The following MSI2 variants were observed in gnomAD, a reference collection of about 807,000 sequenced individuals.
The protein encoded by MSI2 is RNA-binding protein Musashi homolog 2.
MSI2 carries 17 observed loss-of-function variants against 45.6 expected under a neutral mutation model. That is an observed-to-expected ratio of 0.37 (90% CI 0.26 to 0.56). The LOEUF is 0.56. Ranked by LOEUF, MSI2 falls within the 20% of genes least tolerant of loss-of-function variation. The probability of loss-of-function intolerance (pLI) is 0.77; values close to 1 mark genes in which losing one functional copy is unlikely to be tolerated. For synonymous variants in MSI2, 156 were observed against 158.2 expected (o/e 0.99, Z 0.11); for missense variants, 293 against 444.2 (o/e 0.66, Z 3.06).
At chr17:57,523,465 G>A (rs2086636963) in intron 6 of MSI2, 1 of 152,230 alleles carries the variant, frequency 6.6e-6, no homozygotes, top group South Asian at 2.1e-4. Context: ...CAGCAAGAAT[G>A]CCTGGCTCAC....
chr17:57,581,004 CTTTTTTTTTTTTTT>C (rs3059122), intron 7 of MSI2, among the ~76,000 whole-genome samples: 1 of 66,506 alleles, frequency 1.5e-5, no homozygotes, highest in African/African-American at 6.2e-5. Flanking sequence ...AGGTCAGCAT[CTTTTTTTTTTTTTT>C]TTTTTTTTTT....
chr17:57,662,171 T>C (rs1184231464), intron 11 of MSI2, among the ~76,000 whole-genome samples: 1 of 152,118 alleles, frequency 6.6e-6, no homozygotes, highest in African/African-American at 2.4e-5. Context: ...CTTCCCAGCT[T>C]GGGATCCTAC....
chr17:57,460,110 CA>C (rs1382082482), intron 6 of MSI2, among the ~76,000 whole-genome samples: 2 of 150,178 alleles, frequency 1.3e-5, no homozygotes, highest in Non-Finnish European at 2.9e-5. Flanking sequence ...GCCTGGGCAA[CA>C]GAACGGAACT....
intron 5 of MSI2, among the ~76,000 whole-genome samples, chr17:57,351,334 C>G (rs1344352299): frequency 1.3e-5 from 2 of 152,092 alleles, no homozygotes; most frequent in African/African-American, 4.8e-5. Context: ...CAGGGCCCAT[C>G]ATAGTGGGGT....
chr17:57,504,743 C>T (rs1444448721), intron 6 of MSI2, among the ~76,000 whole-genome samples: 3 of 152,002 alleles, frequency 2.0e-5, no homozygotes, highest in Non-Finnish European at 2.9e-5. Context: ...CCAGCCTGAC[C>T]AACACGGTGA....
intron 7 of MSI2, among the ~76,000 whole-genome samples, chr17:57,540,751 T>C (rs1007329473): frequency 1.3e-5 from 2 of 152,224 alleles, no homozygotes; most frequent in South Asian, 4.1e-4. Context: ...CCCCTGAGCC[T>C]TCAAGAGGGC....
intron 7 of MSI2, among the ~76,000 whole-genome samples, chr17:57,568,522 C>T (rs2087793561): frequency 6.6e-6 from 1 of 152,204 alleles, no homozygotes; most frequent in Non-Finnish European, 1.5e-5. Context: ...AAGGGCCTCA[C>T]AGCAGGAGGT....
chr17:57,420,426 C>CA (rs2084373983), intron 6 of MSI2, among the ~76,000 whole-genome samples: 1 of 152,232 alleles, frequency 6.6e-6, no homozygotes, highest in South Asian at 2.1e-4. Context: ...GTCAGCATGA[C>CA]ATGGTTTGAA....
At chr17:57,404,649 C>G (rs1391753880) in intron 6 of MSI2, among the ~76,000 whole-genome samples, 1 of 152,158 alleles carries the variant, frequency 6.6e-6, no homozygotes, top group Non-Finnish European at 1.5e-5. Flanking sequence ...TCTCTCCTCT[C>G]CCTCATCCCA....
chr17:57,293,595 G>GTTTTTTTTTTTTTTTTTTTTTTTTTT (rs71139983), intron 5 of MSI2, among the ~76,000 whole-genome samples: 4 of 134,720 alleles, frequency 3.0e-5, no homozygotes, highest in Non-Finnish European at 3.1e-5. Context: ...TTGTTTTTTT[G>GTTTTTTTTTTTTTTTTTTTTTTTTTT]TTTTTTTTTT....
At position 57,386,079 on chromosome 17, in the gene MSI2, T is replaced by G. The variant is rs953586805; in HGVS notation, c.313-15300T>G. 3.9e-5 allele frequency among the ~76,000 whole-genome samples: 6 copies of G among 152,332 alleles called. No individual in the cohort carries two copies. The East Asian group carries it at 1.2e-3, about 29-fold the overall frequency. ...TGGCCCTTCCCTATTTTACTTGACCTTTTGACTGATTTCTTATCAAGAGTC... is the reference window on the plus strand; with the variant it reads ...TGGCCCTTCCCTATTTTACTTGACCGTTTGACTGATTTCTTATCAAGAGTC... On this transcript the variant is annotated intron_variant, in intron 5 of 13. Transcript: ENST00000284073.
intron 8 of MSI2, among the ~76,000 whole-genome samples, chr17:57,605,572 G>A (rs1234034334): frequency 6.6e-6 from 1 of 152,168 alleles, no homozygotes; most frequent in Non-Finnish European, 1.5e-5. Flanking sequence ...AGGAGGGGCT[G>A]CCCCCCCTTC....
At chr17:57,618,449 C>G (rs1907945873) in intron 9 of MSI2, 1 of 152,270 alleles carries the variant, frequency 6.6e-6, no homozygotes, top group Non-Finnish European at 1.5e-5. Flanking sequence ...GTGGCTCATG[C>G]CCATAATCCT....
At chr17:57,678,617 C>T (rs779739816) in intron 13 of MSI2, among the ~76,000 whole-genome samples, 7 of 149,468 alleles carry the variant, frequency 4.7e-5, no homozygotes, top group Non-Finnish European at 8.9e-5. Context: ...TGGTGCAGGG[C>T]TTCCTGCCCA....
At chr17:57,329,613 A>G (rs1056392166) in intron 5 of MSI2, among the ~76,000 whole-genome samples, 6 of 152,164 alleles carry the variant, frequency 3.9e-5, no homozygotes, top group Admixed American at 3.9e-4. Flanking sequence ...CTGAGGGTAT[A>G]TAGAGGTTTT....
intron 6 of MSI2, among the ~76,000 whole-genome samples, chr17:57,433,307 G>T (rs2084632489): frequency 1.3e-5 from 2 of 152,184 alleles, no homozygotes; most frequent in Non-Finnish European, 2.9e-5. Context: ...TAGGTAACAT[G>T]CTGTTGGGAG....
chr17:57,350,983 CT>C (rs1049132072), intron 5 of MSI2, among the ~76,000 whole-genome samples: 13 of 152,180 alleles, frequency 8.5e-5, no homozygotes, highest in African/African-American at 3.1e-4. Flanking sequence ...CTAACCACCC[CT>C]AGGCCTGAGG....
intron 6 of MSI2, among the ~76,000 whole-genome samples, chr17:57,500,509 A>G (rs2086080294): frequency 6.7e-6 from 1 of 150,358 alleles, no homozygotes; most frequent in South Asian, 2.1e-4. Context: ...AGGAGGTTGG[A>G]CAGTTGCCCG....
At chr17:57,528,403 G>A (rs528739371) in intron 6 of MSI2, among the ~76,000 whole-genome samples, 17 of 152,274 alleles carry the variant, frequency 1.1e-4, no homozygotes, top group African/African-American at 4.1e-4. Flanking sequence ...TGCAGAAGGG[G>A]TTACAGGATG....
Sources: allele counts gnomAD v4.1 joint callset (sites outside exome capture counted in the v4.1 genomes callset), GRCh38; gene constraint gnomAD v4.1.1; transcripts MANE v1.5; gene names NCBI Gene and HGNC (gene_info 2026-07-23, HGNC 2026-07-21).